The following TM4SF1 variants were observed in gnomAD, a reference collection of about 807,000 sequenced individuals.
The protein encoded by TM4SF1 is transmembrane 4 L6 family member 1.
A neutral mutation model predicts 24.5 loss-of-function variants in TM4SF1; 20 were observed. That is an observed-to-expected ratio of 0.82 (90% CI 0.57 to 1.19). The LOEUF is 1.19. TM4SF1 is among the 50% of genes most tolerant of loss of function. The pLI is 0.00. For missense variants in TM4SF1, 258 were observed against 248.1 expected (o/e 1.04, Z -0.27); for synonymous variants, 107 against 95.4 (o/e 1.12, Z -0.71).
At chr3:149,375,368 T>G in intron 3 of TM4SF1, 75 bp downstream of exon 3, 1 of 1,556,688 alleles carries the variant, frequency 6.4e-7, no homozygotes, top group Non-Finnish European at 8.8e-7. Context: ...TGGATGCCTA[T>G]CTGGTTTGAT....
At chr3:149,375,233 G>T (rs1460783680) in intron 3 of TM4SF1, among the ~76,000 whole-genome samples, 1 of 152,056 alleles carries the variant, frequency 6.6e-6, no homozygotes, top group Non-Finnish European at 1.5e-5. Context: ...AGAAAGAAAA[G>T]AAAAGAAGCA....
At chr3:149,371,374 C>CT (rs1436809508) in intron 4 of TM4SF1, 24 of 542,056 alleles carry the variant, frequency 4.4e-5, no homozygotes, top group South Asian at 7.4e-5. Context: ...GCAGACATCA[C>CT]TTTTTTTTCT....
chr3:149,376,065 A>G (rs2108379851), intron 1 of TM4SF1, among the ~76,000 whole-genome samples: 1 of 152,360 alleles, frequency 6.6e-6, no homozygotes, highest in South Asian at 2.1e-4. Context: ...ACACGACCCC[A>G]GATAACAAAC....
intron 1 of TM4SF1, among the ~76,000 whole-genome samples, chr3:149,376,970 A>G (rs932298236): frequency 6.6e-6 from 1 of 152,228 alleles, no homozygotes; most frequent in Non-Finnish European, 1.5e-5. Context: ...CTGAAAATAA[A>G]CAGCAGAGAA....
chr3:149,374,306 T>A (rs1236229468), intron 3 of TM4SF1, among the ~76,000 whole-genome samples: 1 of 152,228 alleles, frequency 6.6e-6, no homozygotes, highest in Non-Finnish European at 1.5e-5. Context: ...CTCATAACTG[T>A]GCTAAATTTG....
intron 3 of TM4SF1, among the ~76,000 whole-genome samples, chr3:149,372,378 A>C (rs929414866): frequency 6.6e-6 from 1 of 152,024 alleles, no homozygotes; most frequent in African/African-American, 2.4e-5. Context: ...TATTGAGTGA[A>C]TATTTAGAAA....
Position 149,375,443 on chromosome 3 carries a change from T to C in TM4SF1, c.413A>G (p.Gln138Arg), listed in dbSNP as rs201545966. ...WNYTFASTEG[Q>R]YLLDTSTWSE... Reference sequence around the variant, plus strand: ...AGCCATGTAGAGAGTAATTACATACTGGCCCTCAGTGCTGGCAAAGGTGTA... The same window carrying C: ...AGCCATGTAGAGAGTAATTACATACCGGCCCTCAGTGCTGGCAAAGGTGTA... Residue 138 changes from glutamine (Q) to arginine (R), a missense_variant and splice_region_variant, in exon 3 of 5, where the codon CAG becomes CGG. Coordinates refer to ENST00000305366, the MANE Select transcript of TM4SF1 (RefSeq NM_014220.3). 1.2e-6 allele frequency: 2 copies of C among 1,614,130 alleles called. No homozygotes were observed. Among genetic ancestry groups the C allele is most frequent in the Non-Finnish European group, 1.7e-6 (2 of 1,180,020 alleles).
rs142662530 is a variant in TM4SF1 at position 149,377,414 on chromosome 3, C to T, written c.134G>A (p.Arg45His). ...GATGCCAGAAAAGAACCACACGAAG[C>T]GGCTGAGGTGGTTTTCGGAGGCATA... is the stretch of plus-strand genomic sequence containing the variant. ...TKYASENHLSRFVWFFSGIVG... is the reference protein window; with the variant it reads ...TKYASENHLSHFVWFFSGIVG... Residue 45 changes from arginine (R) to histidine (H), a missense_variant, in exon 1 of 5, where the codon CGC becomes CAC. Coordinates refer to ENST00000305366, the MANE Select transcript of TM4SF1 (RefSeq NM_014220.3). 3.9e-5 allele frequency: 63 copies of T among 1,614,000 alleles called. No homozygotes were observed. The highest frequency in any genetic ancestry group is 3.3e-4 in the Middle Eastern group (2 of 6,084).
intron 4 of TM4SF1, chr3:149,370,113 G>T (rs1405088805): frequency 6.7e-6 from 3 of 444,834 alleles, no homozygotes; most frequent in Non-Finnish European, 7.8e-6. Context: ...GAAACTGCAG[G>T]ATACTGATAT....
Position 149,369,773 on chromosome 3 carries a change from C to T in TM4SF1, c.*93G>A, listed in dbSNP as rs777310511. On this transcript the variant is annotated 3_prime_UTR_variant, in exon 5 of 5. Coordinates refer to ENST00000305366, the MANE Select transcript of TM4SF1 (RefSeq NM_014220.3). ...AAAGTAGACTGTGGGGAGTATGTTACACTAATACAAAGTTTTACAAATGAA... is the reference window on the plus strand; with the variant it reads ...AAAGTAGACTGTGGGGAGTATGTTATACTAATACAAAGTTTTACAAATGAA... 3 of 1,528,238 alleles carry T rather than the reference C, an allele frequency of 2.0e-6. No individual in the cohort carries two copies. Among genetic ancestry groups the T allele is most frequent in the Non-Finnish European group, 2.7e-6 (3 of 1,112,468 alleles). The allele number at this position is 1,528,238 out of a possible 1,614,324, so 94.7% of individuals were successfully genotyped here. A position where few individuals can be genotyped will look rare whatever the true frequency, so the allele number is the denominator to read the frequency against.
At chr3:149,376,411 G>A (rs1198951118) in intron 1 of TM4SF1, among the ~76,000 whole-genome samples, 1 of 152,210 alleles carries the variant, frequency 6.6e-6, no homozygotes, top group African/African-American at 2.4e-5. Flanking sequence ...GCTCATGCCT[G>A]TAATCCCAGC....
In TM4SF1 at chr3:149,371,831, A is replaced by C. The variant is rs756358894; in HGVS notation, c.450T>G (p.Thr150=). Residue 150 remains threonine, a synonymous_variant, in exon 4 of 5, where the codon ACT becomes ACG. Transcript: ENST00000305366. The part of the protein sequence containing the change: ...LLDTSTWSEC[T]EPKHIVEWNV... ...TCCATTCCACAATGTGCTTGGGTTC[A>C]GTGCACTCGGACCATGTGGAGGTAT... 9 of 1,614,052 alleles carry C rather than the reference A, an allele frequency of 5.6e-6. No individual in the cohort carries two copies. In the African/African-American group the frequency reaches 1.2e-4, roughly 22 times the overall value.
In TM4SF1 at chr3:149,369,405, T is replaced by C. The variant is rs1731767274; in HGVS notation, c.*461A>G. ...GGGCCTCTTGTTAGAGATTTATAGG[T>C]GTATGAATGGGAAACATCATACAAG... On this transcript the variant is annotated 3_prime_UTR_variant, in exon 5 of 5. Transcript: ENST00000305366. 1 of 160,988 alleles carries C rather than the reference T, an allele frequency of 6.2e-6. No homozygotes were observed. The highest frequency in any genetic ancestry group is 1.3e-5 in the Non-Finnish European group (1 of 74,706). 10.0% of individuals were successfully genotyped at this position (160,988 alleles called of 1,614,324 possible).
chr3:149,377,227 T>A lies in TM4SF1; in HGVS notation c.177+144A>T. The A allele has an allele frequency of 2.8e-6, 3 of 1,067,096 alleles. 1 individual carries two copies. In the South Asian group the frequency reaches 5.1e-5, roughly 18 times the overall value. 66.1% of individuals were successfully genotyped at this position (1,067,096 alleles called of 1,614,324 possible). On this transcript the variant is annotated intron_variant, in intron 1 of 4. Transcript: ENST00000305366. Reference sequence around the variant, plus strand: ...CTATACTGTACCAATCTCGCTTTTGTATAATCTGCTTTCAAAGGAATGAAC... The same window carrying A: ...CTATACTGTACCAATCTCGCTTTTGAATAATCTGCTTTCAAAGGAATGAAC...
Position 149,369,874 on chromosome 3 carries a change from C to A in TM4SF1, c.601G>T (p.Asp201Tyr). 3 of 1,605,102 alleles carry A rather than the reference C, an allele frequency of 1.9e-6. No homozygotes were observed. The South Asian group carries it at 3.4e-5, about 18-fold the overall frequency. The change falls in exon 5 of 5, where the codon GAC becomes TAC. Residue 201 changes from aspartate (D) to tyrosine (Y), a missense_variant. Coordinates refer to ENST00000305366, the MANE Select transcript of TM4SF1 (RefSeq NM_014220.3). ...GFCCSHQQQY[D>Y]C is the part of the protein sequence containing the mutation. ...GTCCTGGGTTGGTTCTTTTAGCAGT[C>A]ATATTGCTGTAGAGAAAATAAAATA...
intron 4 of TM4SF1, 38 bp from the exon 5 acceptor site, chr3:149,369,918 GA>G: frequency 6.3e-7 from 1 of 1,585,500 alleles, no homozygotes; most frequent in Non-Finnish European, 8.5e-7. Context: ...CTATAATCAG[GA>G]TAAATAATGA....
At chr3:149,371,420 C>T (rs1731817355) in intron 4 of TM4SF1, 1 of 575,784 alleles carries the variant, frequency 1.7e-6, no homozygotes, top group Non-Finnish European at 3.1e-6. Flanking sequence ...TGAATTAGAT[C>T]CTGAAGGGAG....
intron 4 of TM4SF1, 138 bp from the exon 5 acceptor site, chr3:149,370,018 G>T: frequency 9.3e-7 from 1 of 1,075,728 alleles, no homozygotes. Flanking sequence ...CCATACTTAG[G>T]GCTTGGACAA....
At position 149,371,868 on chromosome 3, in the gene TM4SF1, C is replaced by A; in HGVS notation, c.414-1G>T. On this transcript the variant is annotated splice_acceptor_variant, in intron 3 of 4. Transcript: ENST00000305366. LOFTEE classifies it high-confidence loss of function. Reference sequence around the variant, plus strand: ...CCATGTGGAGGTATCCAGAAGGTACCTGTGGGTAAAAAGAGAAACTTCTGA... The same window carrying A: ...CCATGTGGAGGTATCCAGAAGGTACATGTGGGTAAAAAGAGAAACTTCTGA... 1 of 1,613,742 alleles carries A rather than the reference C, an allele frequency of 6.2e-7. No individual in the cohort carries two copies. The highest frequency in any genetic ancestry group is 1.3e-5 in the African/African-American group (1 of 74,966).
Sources: gnomAD v4.1 joint callset for allele counts (sites outside exome capture counted in the v4.1 genomes callset) on GRCh38, gnomAD v4.1.1 for gene constraint, MANE v1.5 for transcripts, NCBI Gene and HGNC (gene_info 2026-07-23, HGNC 2026-07-21) for gene names.